MIB1: variants seen among roughly 807,000 people sequenced by gnomAD.
The protein encoded by MIB1 is E3 ubiquitin-protein ligase MIB1.
MIB1 carries 278 observed loss-of-function variants against 124.5 expected under a neutral mutation model. The observed-to-expected ratio is 2.23, with a 90% CI of 2.02 to 2.47. MIB1 has a LOEUF of 2.47. MIB1 is among the 30% of genes most tolerant of loss of function. The probability of loss-of-function intolerance (pLI) is 0.00; values close to 1 mark genes in which losing one functional copy is unlikely to be tolerated. For synonymous variants in MIB1, 446 were observed against 429.4 expected (o/e 1.04, Z -0.48); for missense variants, 957 against 1,254.4 (o/e 0.76, Z 3.58).
chr18:21,756,386 G>T (rs1209309469), intron 1 of MIB1, among the ~76,000 whole-genome samples: 1 of 152,092 alleles, frequency 6.6e-6, no homozygotes, highest in Non-Finnish European at 1.5e-5. Context: ...GTAGTTCAAG[G>T]TACACAGGTG....
intron 7 of MIB1, 55 bp from the exon 8 acceptor site, chr18:21,798,029 G>C: frequency 6.5e-7 from 1 of 1,537,586 alleles, no homozygotes; most frequent in Non-Finnish European, 8.9e-7. Context: ...ACTAGTGATT[G>C]ACTTTATGGT....
intron 9 of MIB1, among the ~76,000 whole-genome samples, chr18:21,800,219 G>A (rs931917876): frequency 2.6e-5 from 4 of 151,904 alleles, no homozygotes; most frequent in Admixed American, 1.3e-4. Context: ...GGTTTTTAAA[G>A]ACTAGTATCC....
rs1341266112 is a variant in MIB1, at chr18:21,741,158, A to T, written c.-426A>T. ...GGGGTGGCAGAAAGGCCGGCAGTTA[A>T]GCTTGCTCCCCGCCGCCCCCCTCGG... On this transcript the variant is annotated 5_prime_UTR_variant, in exon 1 of 21. The change creates a new upstream start codon in the 5' untranslated region. Transcript: ENST00000261537. The surrounding 1 kb of genome is among the most constrained non-coding windows in gnomAD (Gnocchi z 5.4). 6.6e-6 allele frequency among the ~76,000 whole-genome samples: 1 copy of T among 151,978 alleles called. No homozygotes were observed. Among genetic ancestry groups the T allele is most frequent in the African/African-American group, 2.4e-5 (1 of 41,418 alleles).
At chr18:21,769,171 C>T (rs1174735315) in intron 3 of MIB1, among the ~76,000 whole-genome samples, 2 of 152,184 alleles carry the variant, frequency 1.3e-5, no homozygotes, top group Non-Finnish European at 2.9e-5. Context: ...TCGAGCCCAC[C>T]TACCTCTGTT....
At chr18:21,749,203 C>A (rs62090808) in intron 1 of MIB1, among the ~76,000 whole-genome samples, 18 of 152,078 alleles carry the variant, frequency 1.2e-4, no homozygotes, top group Non-Finnish European at 2.4e-4. Flanking sequence ...TATGTCTTAA[C>A]TACTTAGAGA....
intron 12 of MIB1, chr18:21,825,462 G>C: frequency 3.5e-6 from 1 of 283,944 alleles, no homozygotes; most frequent in Non-Finnish European, 6.9e-6. Flanking sequence ...TGAAGGATAA[G>C]AAATTTAATA....
At chr18:21,768,806 C>T in intron 3 of MIB1, 54 bp downstream of exon 3, 2 of 1,442,600 alleles carry the variant, frequency 1.4e-6, no homozygotes, top group Non-Finnish European at 1.9e-6. Context: ...ATGTTCAGAA[C>T]CTTTTTATTA....
rs946740826 is a variant in MIB1 at position 21,842,297 on chromosome 18, C to T, written c.1963-834C>T. Among the ~76,000 whole-genome samples, 8 of 152,146 alleles carry T rather than the reference C, an allele frequency of 5.3e-5. 1 individual carries two copies. In the South Asian group the frequency reaches 1.2e-3, roughly 24 times the overall value. On this transcript the variant is annotated intron_variant, in intron 13 of 20. Transcript: ENST00000261537. ...GGCATGCATGGTTCTAAGACCTAAA[C>T]GAAATGATCGGTTTATCTTTTGAAT...
Position 21,867,330 on chromosome 18 carries a change from C to T in MIB1, c.*2664C>T, listed in dbSNP as rs1279791659. The T allele has an allele frequency of 1.3e-5, 2 of 152,506 alleles. No homozygotes were observed. Among genetic ancestry groups the T allele is most frequent in the Non-Finnish European group, 2.9e-5 (2 of 67,996 alleles). 9.4% of individuals were successfully genotyped at this position (152,506 alleles called of 1,614,324 possible). A position where few individuals can be genotyped will look rare whatever the true frequency, so the allele number is the denominator to read the frequency against. ...TAGTGTTTGGATTTCCTCTCTGTATCCCTCACCCTACCATTTTCTCCTTTA... is the reference window on the plus strand; with the variant it reads ...TAGTGTTTGGATTTCCTCTCTGTATTCCTCACCCTACCATTTTCTCCTTTA... On this transcript the variant is annotated 3_prime_UTR_variant, in exon 21 of 21. Transcript: ENST00000261537.
chr18:21,724,298 A>G (rs1302657430), intron 1 of MIB1: 1 of 152,256 alleles, frequency 6.6e-6, no homozygotes, highest in African/African-American at 2.4e-5. Flanking sequence ...TCAAATCAGT[A>G]ACAGAAATCA....
At chr18:21,833,375 G>T in intron 12 of MIB1, among the ~76,000 whole-genome samples, 1 of 152,112 alleles carries the variant, frequency 6.6e-6, no homozygotes, top group East Asian at 1.9e-4. Flanking sequence ...ATCAAAATGT[G>T]TTCAGTTTTA....
chr18:21,727,791 A>T (rs2040749473), intron 1 of MIB1, among the ~76,000 whole-genome samples: 1 of 151,966 alleles, frequency 6.6e-6, no homozygotes, highest in Admixed American at 6.6e-5. Flanking sequence ...GAATGGAAAA[A>T]GAAGTCAGAG....
At chr18:21,757,451 CAAAAAAAAAAAAA>C (rs1202189616) in intron 1 of MIB1, among the ~76,000 whole-genome samples, 1 of 13,284 alleles carries the variant, frequency 7.5e-5, no homozygotes, top group Non-Finnish European at 1.2e-4. Context: ...GACTCTGTCT[CAAAAAAAAAAAAA>C]AAAAAAAAAA....
intron 1 of MIB1, 132 bp from the exon 2 acceptor site, chr18:21,765,640 A>G (rs944994624): frequency 4.1e-5 from 34 of 825,734 alleles, no homozygotes; most frequent in Non-Finnish European, 5.8e-5. Flanking sequence ...TATGTGTTAA[A>G]TTTGAAGTGT....
intron 6 of MIB1, among the ~76,000 whole-genome samples, chr18:21,784,196 G>A (rs2041406499): frequency 6.6e-6 from 1 of 151,762 alleles, no homozygotes; most frequent in Admixed American, 6.6e-5. Context: ...CTACAGGCGC[G>A]TGCCACCACA....
At chr18:21,859,998 G>A (rs920780141) in intron 20 of MIB1, among the ~76,000 whole-genome samples, 27 of 150,360 alleles carry the variant, frequency 1.8e-4, no homozygotes, top group African/African-American at 6.6e-4. Context: ...ATCAGTGGGG[G>A]ATACATGGAA....
In MIB1 at chr18:21,784,080, C is replaced by T. The variant is rs1463879184; in HGVS notation, c.908+4395C>T. On this transcript the variant is annotated intron_variant, in intron 6 of 20. Coordinates refer to ENST00000261537, the MANE Select transcript of MIB1 (RefSeq NM_020774.4). ...TTTTTTTTTTTTTGATACGGAGTCT[C>T]GCTATGTCACCAGGCTGGAGTGCAG... 6.7e-5 allele frequency among the ~76,000 whole-genome samples: 9 copies of T among 135,082 alleles called. No individual in the cohort carries two copies. In the East Asian group the frequency reaches 1.2e-3, roughly 17 times the overall value. The allele number at this position is 135,082 out of a possible 152,430, so 88.6% of individuals were successfully genotyped here. A position where few individuals can be genotyped will look rare whatever the true frequency, so the allele number is the denominator to read the frequency against.
Position 21,838,552 on chromosome 18 carries a change from G to T in MIB1, c.1962+55G>T, listed in dbSNP as rs946322064. 12 of 1,412,876 alleles carry T rather than the reference G, an allele frequency of 8.5e-6. No individual in the cohort carries two copies. In the African/African-American group the frequency reaches 1.5e-4, roughly 17 times the overall value. 87.5% of individuals were successfully genotyped at this position (1,412,876 alleles called of 1,614,324 possible). A position where few individuals can be genotyped will look rare whatever the true frequency, so the allele number is the denominator to read the frequency against. ...TTTTATTTTTTTTTAAACAATTTGGGACCATTGCCATTCATTTATTTATTG... is the reference window on the plus strand; with the variant it reads ...TTTTATTTTTTTTTAAACAATTTGGTACCATTGCCATTCATTTATTTATTG... On this transcript the variant is annotated intron_variant, in intron 13 of 20. Transcript: ENST00000261537.
chr18:21,778,759 G>A (rs371228238), intron 5 of MIB1, among the ~76,000 whole-genome samples: 5 of 151,568 alleles, frequency 3.3e-5, no homozygotes, highest in East Asian at 1.9e-4. Flanking sequence ...TGCCTTTGTC[G>A]CAAAAAGTGC....
Sources: allele counts gnomAD v4.1 joint callset (sites outside exome capture counted in the v4.1 genomes callset), GRCh38; gene constraint gnomAD v4.1.1; non-coding constraint Gnocchi (gnomAD v3.1); transcripts MANE v1.5; gene names NCBI Gene and HGNC (gene_info 2026-07-23, HGNC 2026-07-21).